The following IGSF10 variants were observed in gnomAD, a reference collection of about 807,000 sequenced individuals.
The protein encoded by IGSF10 is calvaria mechanical force protein 608.
Under a neutral mutation model 128.2 loss-of-function variants are expected in IGSF10, and 126 were observed. The observed-to-expected ratio is 0.98, with a 90% CI of 0.85 to 1.14. The LOEUF is 1.14. Among genes scored for constraint, IGSF10 ranks in the 50% most tolerant of loss-of-function variants. The probability of loss-of-function intolerance (pLI) is 0.00; values close to 1 mark genes in which losing one functional copy is unlikely to be tolerated. For missense variants in IGSF10, 3,295 were observed against 3,149.8 expected, an observed-to-expected ratio of 1.05 and a Z score of -1.10; for synonymous variants, 1,185 against 1,146.2, an observed-to-expected ratio of 1.03 and a Z score of -0.68.
At chr3:151,471,811 G>C in the IGSF10 span, among the ~76,000 whole-genome samples, 3 of 152,330 alleles carry the variant, frequency 2.0e-5, no homozygotes, top group Admixed American at 2.0e-4. Context: ...TGTTTATGCT[G>C]AATCAGGTAG....
chr3:151,438,248 A>G lies in IGSF10; in HGVS notation c.6313T>C (p.Tyr2105His), dbSNP rs1720555194. ...RYTLFNNGTLYFNKVGVAEEG... is the reference protein window; with the variant it reads ...RYTLFNNGTLHFNKVGVAEEG... ...TCCGCTACCCCAACTTTGTTGAAGT[A>G]TAAAGTTCCATTGTTGAAAAGGGTA... Residue 2105 changes from tyrosine to histidine, a missense_variant, in exon 8 of 8, where the codon TAC (tyrosine) becomes CAC (histidine). Coordinates refer to ENST00000282466, the MANE Select transcript of IGSF10 (RefSeq NM_178822.5). 1 of 1,614,178 alleles carries G rather than the reference A, an allele frequency of 6.2e-7. No individual in the cohort carries two copies. The highest frequency in any genetic ancestry group is 1.1e-5 in the South Asian group (1 of 91,082).
the IGSF10 span, among the ~76,000 whole-genome samples, chr3:151,580,461 G>C: frequency 6.6e-6 from 1 of 152,132 alleles, no homozygotes. Flanking sequence ...CACTCTAGAA[G>C]ATAATTCACT....
the IGSF10 span, among the ~76,000 whole-genome samples, chr3:151,501,738 AT>A: frequency 1.8e-4 from 27 of 152,256 alleles, no homozygotes; most frequent in Admixed American, 2.6e-4. Flanking sequence ...AAGAGTCTTC[AT>A]AGGAACATTG....
chr3:151,484,797 G>C, the IGSF10 span, among the ~76,000 whole-genome samples: 2 of 150,296 alleles, frequency 1.3e-5, no homozygotes, highest in African/African-American at 4.9e-5. Context: ...CACATCCAAA[G>C]GTCTCTGACT....
Position 151,436,286 on chromosome 3 carries a change from AG to A in IGSF10, c.*402del, listed in dbSNP as rs1253536300. 6.6e-4 allele frequency: 105 copies of A among 158,590 alleles called. 1 individual carries two copies. The highest frequency in any genetic ancestry group is 2.3e-3 in the African/African-American group (95 of 41,608). The allele number at this position is 158,590 out of a possible 1,614,324, so 9.8% of individuals were successfully genotyped here. ...GGTAAATTTACATCATAAAGATTGC[AG>A]ATTTAATATTTTCCATTGTCTCTGT... On this transcript the variant is annotated 3_prime_UTR_variant, in exon 8 of 8. Coordinates refer to ENST00000282466, the MANE Select transcript of IGSF10 (RefSeq NM_178822.5).
the IGSF10 span, among the ~76,000 whole-genome samples, chr3:151,579,572 T>A: frequency 3.3e-3 from 487 of 146,410 alleles, no homozygotes; most frequent in African/African-American, 0.012. Flanking sequence ...TAAAGATCAA[T>A]CAAAAGAAAT....
chr3:151,486,111 A>G, the IGSF10 span, among the ~76,000 whole-genome samples: 7 of 152,188 alleles, frequency 4.6e-5, no homozygotes, highest in Non-Finnish European at 1.0e-4. Flanking sequence ...CAGGGAGATT[A>G]CCAAGCAAAT....
the IGSF10 span, among the ~76,000 whole-genome samples, chr3:151,576,687 C>G: frequency 0.013 from 1,945 of 152,196 alleles, 47 homozygotes; most frequent in African/African-American, 0.045. Context: ...TCATAATACA[C>G]TAATTATAAT....
chr3:151,512,286 C>T, the IGSF10 span, among the ~76,000 whole-genome samples: 1 of 152,174 alleles, frequency 6.6e-6, no homozygotes. Context: ...TGCAATCAAA[C>T]TAGACCTCAG....
chr3:151,494,276 AG>A, the IGSF10 span, among the ~76,000 whole-genome samples: 2 of 131,400 alleles, frequency 1.5e-5, no homozygotes, highest in African/African-American at 3.0e-5. Flanking sequence ...TAAAGCAAAA[AG>A]AAGAAGAAAC....
the IGSF10 span, among the ~76,000 whole-genome samples, chr3:151,571,507 T>C: frequency 6.6e-6 from 1 of 152,188 alleles, no homozygotes; most frequent in Non-Finnish European, 1.5e-5. Flanking sequence ...TCACTCATGA[T>C]TTGGCTCTCT....
At chr3:151,599,260 T>G in the IGSF10 span, among the ~76,000 whole-genome samples, 3 of 148,574 alleles carry the variant, frequency 2.0e-5, no homozygotes, top group Non-Finnish European at 3.0e-5. Flanking sequence ...GCGTCTGGGG[T>G]GGGCGGGGCT....
At chr3:151,506,968 G>T in the IGSF10 span, among the ~76,000 whole-genome samples, 1 of 152,176 alleles carries the variant, frequency 6.6e-6, no homozygotes, top group East Asian at 1.9e-4. Context: ...GGTAAAAATA[G>T]AACTGGTTTC....
At position 151,448,793 on chromosome 3, in the gene IGSF10, T is replaced by G. The variant is rs768345493; in HGVS notation, c.1188A>C (p.Glu396Asp). The G allele has an allele frequency of 4.6e-5, 74 of 1,613,514 alleles. No individual in the cohort carries two copies. In the Middle Eastern group the frequency reaches 4.9e-4, roughly 11 times the overall value. The change falls in exon 6 of 8, where the codon GAA becomes GAC. Residue 396 changes from glutamate to aspartate, a missense_variant. Transcript: ENST00000282466. ...LILERSHLLS[E>D]TPQLYYKYKQ... is the part of the protein sequence containing the mutation. Reference sequence around the variant, plus strand: ...TATATTTGTAATAGAGCTGCGGTGTTTCACTAAGCAAGTGGCTCCTTTCTA... The same window carrying G: ...TATATTTGTAATAGAGCTGCGGTGTGTCACTAAGCAAGTGGCTCCTTTCTA...
At chr3:151,585,656 G>A in the IGSF10 span, among the ~76,000 whole-genome samples, 638 of 151,694 alleles carry the variant, frequency 4.2e-3, 5 homozygotes, top group African/African-American at 0.014. Flanking sequence ...GCTTTATTTT[G>A]TAACTACTGT....
chr3:151,598,710 T>G, the IGSF10 span, among the ~76,000 whole-genome samples: 1 of 152,140 alleles, frequency 6.6e-6, no homozygotes, highest in Admixed American at 6.5e-5. Flanking sequence ...AACCATCTAT[T>G]TTTTTTAAAA....
Position 151,448,129 on chromosome 3 carries a change from A to G in IGSF10, c.1852T>C (p.Ser618Pro). The change falls in exon 6 of 8, where the codon TCA becomes CCA. Residue 618 changes from serine to proline, a missense_variant. Ser to Pro is a moderately conservative substitution (Grantham distance 74). Transcript: ENST00000282466. Reference sequence around the variant, plus strand: ...TTTAGAACTTTCTTGTCTCTTGATGACTGATAGAGCACATTGTTTCCTGGA... The same window carrying G: ...TTTAGAACTTTCTTGTCTCTTGATGGCTGATAGAGCACATTGTTTCCTGGA... ...VIPGNNVLYQ[S>P]SRDKKVLNNG... 1 of 1,614,114 alleles carries G rather than the reference A, an allele frequency of 6.2e-7. No individual in the cohort carries two copies.
At chr3:151,500,493 T>C in the IGSF10 span, among the ~76,000 whole-genome samples, 1 of 152,200 alleles carries the variant, frequency 6.6e-6, no homozygotes, top group Non-Finnish European at 1.5e-5. Flanking sequence ...ACTTATTTGC[T>C]TAAATATATG....
At chr3:151,559,838 T>C in the IGSF10 span, among the ~76,000 whole-genome samples, 5 of 152,098 alleles carry the variant, frequency 3.3e-5, no homozygotes, top group Non-Finnish European at 7.4e-5. Context: ...AAAAAGACTT[T>C]ACATGGGTTC....
Sources: gnomAD v4.1 joint callset for allele counts (sites outside exome capture counted in the v4.1 genomes callset) on GRCh38, gnomAD v4.1.1 for gene constraint, MANE v1.5 for transcripts, NCBI Gene and HGNC (gene_info 2026-07-23, HGNC 2026-07-21) for gene names.